The following RCAN2 variants were observed in gnomAD, a reference collection of about 807,000 sequenced individuals.
RCAN2 encodes regulator of calcineurin 2.
RCAN2 carries 9 observed loss-of-function variants against 23.6 expected under a neutral mutation model. That is an observed-to-expected ratio of 0.38 (90% CI 0.23 to 0.67). The LOEUF (loss-of-function observed/expected upper bound fraction) is 0.67, where lower values mean the gene tolerates loss of function less well. Ranked by LOEUF, RCAN2 falls within the 30% of genes least tolerant of loss-of-function variation. The pLI is 0.51. For missense variants in RCAN2, 273 were observed against 302.3 expected (o/e 0.90, Z 0.72); for synonymous variants, 109 against 115.7 (o/e 0.94, Z 0.37).
chr6:46,355,936 G>A (rs1764816694), intron 2 of RCAN2, among the ~76,000 whole-genome samples: 1 of 152,216 alleles, frequency 6.6e-6, no homozygotes, highest in African/African-American at 2.4e-5. Flanking sequence ...GCTGGCTGAT[G>A]CCTTCTCTAC....
At chr6:46,390,472 G>A (rs1386334534) in intron 2 of RCAN2, among the ~76,000 whole-genome samples, 1 of 152,198 alleles carries the variant, frequency 6.6e-6, no homozygotes, top group African/African-American at 2.4e-5. Flanking sequence ...TGCTCTGCAT[G>A]AAACATAACT....
Position 46,229,940 on chromosome 6 carries a change from G to T in RCAN2, c.572-6639C>A, listed in dbSNP as rs188023971. ...ACCTTTGGTCTTTGATGATGGTAAC[G>T]TACAGATGGGGTTTTGGTGTGGAGG... On this transcript the variant is annotated intron_variant, in intron 4 of 4. Coordinates refer to ENST00000371374, the MANE Select transcript of RCAN2 (RefSeq NM_001251974.2). Among the ~76,000 whole-genome samples the T allele has an allele frequency of 2.0e-5, 3 of 152,270 alleles. No individual in the cohort carries two copies. In the East Asian group the frequency reaches 5.8e-4, roughly 29 times the overall value.
chr6:46,469,336 A>C (rs966368610), intron 1 of RCAN2, among the ~76,000 whole-genome samples: 3 of 152,322 alleles, frequency 2.0e-5, no homozygotes, highest in African/African-American at 7.2e-5. Flanking sequence ...TAGAAAAAAA[A>C]CAAACTGAAA....
chr6:46,227,941 T>C (rs1282066176), intron 4 of RCAN2, among the ~76,000 whole-genome samples: 1 of 152,248 alleles, frequency 6.6e-6, no homozygotes, highest in Non-Finnish European at 1.5e-5. Flanking sequence ...TACACACTGC[T>C]TTAAATGTGT....
intron 2 of RCAN2, among the ~76,000 whole-genome samples, chr6:46,379,928 T>C (rs1279187769): frequency 6.6e-6 from 1 of 152,226 alleles, no homozygotes; most frequent in Non-Finnish European, 1.5e-5. Flanking sequence ...GCATCATTTC[T>C]GCAGCTAAAG....
intron 1 of RCAN2, among the ~76,000 whole-genome samples, chr6:46,475,733 C>G (rs182875688): frequency 2.0e-5 from 3 of 152,078 alleles, no homozygotes; most frequent in Non-Finnish European, 4.4e-5. Flanking sequence ...AATGGCTACT[C>G]GACTCTATGA....
intron 1 of RCAN2, among the ~76,000 whole-genome samples, chr6:46,486,780 T>C (rs1237898993): frequency 6.6e-6 from 1 of 152,188 alleles, no homozygotes; most frequent in African/African-American, 2.4e-5. Context: ...TTTCCATCCA[T>C]ACTATAAAAA....
rs550200716 is a variant in RCAN2, at chr6:46,408,207, C to T, written c.225+48545G>A. On this transcript the variant is annotated intron_variant, in intron 2 of 4. Transcript: ENST00000371374. ...CGACAATGCTCCTATTACTTCCCTG[C>T]GGGCGGCTCCGACTGTTCAGCTCTA... Among the ~76,000 whole-genome samples, 6 of 152,238 alleles carry T rather than the reference C, an allele frequency of 3.9e-5. No individual in the cohort carries two copies. In the South Asian group the frequency reaches 8.3e-4, roughly 21 times the overall value.
chr6:46,332,504 C>A (rs1328567618), intron 2 of RCAN2, among the ~76,000 whole-genome samples: 1 of 143,322 alleles, frequency 7.0e-6, no homozygotes, highest in Non-Finnish European at 1.5e-5. Flanking sequence ...GTTCCCCTTC[C>A]TGTGTCCATG....
chr6:46,446,448 T>C (rs899640030), intron 2 of RCAN2, among the ~76,000 whole-genome samples: 6 of 152,110 alleles, frequency 3.9e-5, no homozygotes, highest in Admixed American at 3.3e-4. Context: ...GAAATGCTAA[T>C]GGGATTTCTT....
At position 46,376,366 on chromosome 6, in the gene RCAN2, G is replaced by A. The variant is rs993439220; in HGVS notation, c.225+80386C>T. On this transcript the variant is annotated intron_variant, in intron 2 of 4. Transcript: ENST00000371374. Reference sequence around the variant, plus strand: ...AAGAACTAAAACCATAAAAGTTGGGGCGAGCTGACCACAACAACTGATGCC... The same window carrying A: ...AAGAACTAAAACCATAAAAGTTGGGACGAGCTGACCACAACAACTGATGCC... 1.3e-5 allele frequency among the ~76,000 whole-genome samples: 2 copies of A among 152,194 alleles called. 1 individual carries two copies. The highest frequency in any genetic ancestry group is 1.3e-4 in the Admixed American group (2 of 15,276).
intron 2 of RCAN2, among the ~76,000 whole-genome samples, chr6:46,263,521 A>ATGTGTGTGTGTGTGTGTGTGTG (rs1166873309): frequency 8.6e-5 from 9 of 105,034 alleles, no homozygotes; most frequent in East Asian, 2.9e-4. Context: ...GTATGTGTGT[A>ATGTGTGTGTGTGTGTGTGTGTG]TGTGTGTGTG....
chr6:46,227,258 T>G (rs1238436815), intron 4 of RCAN2, among the ~76,000 whole-genome samples: 1 of 152,308 alleles, frequency 6.6e-6, no homozygotes, highest in East Asian at 1.9e-4. Flanking sequence ...CTTTTTTCGT[T>G]GTGTCTCTGC....
At chr6:46,278,580 T>C (rs1318733837) in intron 2 of RCAN2, among the ~76,000 whole-genome samples, 4 of 152,190 alleles carry the variant, frequency 2.6e-5, no homozygotes, top group Non-Finnish European at 5.9e-5. Context: ...ATAAACCACT[T>C]TCCATTATGG....
At chr6:46,401,371 C>T (rs546968553) in intron 2 of RCAN2, among the ~76,000 whole-genome samples, 4 of 152,150 alleles carry the variant, frequency 2.6e-5, no homozygotes, top group Non-Finnish European at 4.4e-5. Flanking sequence ...CACAAGGGTC[C>T]CCCTACAGTT....
chr6:46,357,006 G>T (rs1216393366), intron 2 of RCAN2, among the ~76,000 whole-genome samples: 1 of 152,172 alleles, frequency 6.6e-6, no homozygotes, highest in Non-Finnish European at 1.5e-5. Context: ...TTGTAATTCT[G>T]TTGGGGTAAA....
intron 2 of RCAN2, among the ~76,000 whole-genome samples, chr6:46,270,597 T>C (rs1239183922): frequency 6.6e-6 from 1 of 152,158 alleles, no homozygotes; most frequent in East Asian, 1.9e-4. Flanking sequence ...GCCCCTCCCT[T>C]TGAATATGGG....
chr6:46,346,755 G>A (rs1030465739), intron 2 of RCAN2, among the ~76,000 whole-genome samples: 3 of 151,110 alleles, frequency 2.0e-5, no homozygotes, highest in East Asian at 1.9e-4. Context: ...CAATAATTTC[G>A]GTTTTCTTCT....
At chr6:46,258,609 T>A (rs927741122) in intron 2 of RCAN2, among the ~76,000 whole-genome samples, 1 of 152,142 alleles carries the variant, frequency 6.6e-6, no homozygotes, top group African/African-American at 2.4e-5. Flanking sequence ...AGAAGCCACT[T>A]TGTTCTAAAA....
Sources: allele counts gnomAD v4.1 joint callset (sites outside exome capture counted in the v4.1 genomes callset), GRCh38; gene constraint gnomAD v4.1.1; transcripts MANE v1.5; gene names NCBI Gene and HGNC (gene_info 2026-07-23, HGNC 2026-07-21).